Variants in KIAA0825 observed in about 807,000 individuals in gnomAD.
KIAA0825 encodes uncharacterized protein KIAA0825.
KIAA0825 carries 119 observed loss-of-function variants against 147.6 expected under a neutral mutation model. The observed-to-expected ratio is 0.81, with a 90% CI of 0.69 to 0.94. KIAA0825 has a LOEUF of 0.94. Among genes scored for constraint, KIAA0825 ranks in the 40% least tolerant of loss-of-function variants. The pLI is 0.00. For synonymous variants in KIAA0825, 470 were observed against 518.1 expected (o/e 0.91, Z 1.26); for missense variants, 1,381 against 1,472.7 (o/e 0.94, Z 1.02).
At chr5:94,449,120 A>G (rs1758083483) in intron 13 of KIAA0825, among the ~76,000 whole-genome samples, 3 of 152,142 alleles carry the variant, frequency 2.0e-5, no homozygotes, top group Admixed American at 1.3e-4. Context: ...GAAACTGCAT[A>G]AACAAAGGCC....
chr5:94,389,370 G>A (rs535973771), intron 18 of KIAA0825, among the ~76,000 whole-genome samples: 1 of 152,276 alleles, frequency 6.6e-6, no homozygotes, highest in Non-Finnish European at 1.5e-5. Context: ...ATGTCTTGTG[G>A]GCCAGCTCTG....
intron 1 of KIAA0825, among the ~76,000 whole-genome samples, chr5:94,590,130 G>T (rs955047394): frequency 6.6e-6 from 1 of 152,082 alleles, no homozygotes; most frequent in African/African-American, 2.4e-5. Flanking sequence ...GAGTAGCTGG[G>T]ACTACAGGCA....
chr5:94,185,899 C>T (rs916830291), intron 20 of KIAA0825, among the ~76,000 whole-genome samples: 14 of 152,258 alleles, frequency 9.2e-5, no homozygotes, highest in Non-Finnish European at 7.4e-5. Flanking sequence ...TTAATAATAG[C>T]TACCATAACA....
intron 20 of KIAA0825, among the ~76,000 whole-genome samples, chr5:94,368,278 T>A (rs1746149699): frequency 6.6e-6 from 1 of 152,216 alleles, no homozygotes; most frequent in African/African-American, 2.4e-5. Context: ...GCTCAAGCAA[T>A]CCTGCCACCT....
chr5:94,460,126 T>C (rs1338007563), intron 12 of KIAA0825, among the ~76,000 whole-genome samples: 1 of 152,116 alleles, frequency 6.6e-6, no homozygotes. Context: ...ATGCAACATA[T>C]GAAACCACTG....
intron 1 of KIAA0825, chr5:94,615,689 G>A (rs1790255096): frequency 1.3e-5 from 2 of 151,834 alleles, no homozygotes; most frequent in Admixed American, 1.3e-4. Context: ...TGAGTGTGGA[G>A]TGGACACTGT....
At chr5:94,595,087 A>T (rs1785038543) in intron 1 of KIAA0825, among the ~76,000 whole-genome samples, 1 of 152,094 alleles carries the variant, frequency 6.6e-6, no homozygotes, top group Non-Finnish European at 1.5e-5. Context: ...CTGTTGGCAG[A>T]TCTACCATTC....
At chr5:94,463,550 T>C (rs771247233) in intron 11 of KIAA0825, among the ~76,000 whole-genome samples, 1 of 151,506 alleles carries the variant, frequency 6.6e-6, no homozygotes, top group South Asian at 2.1e-4. Context: ...ATAAACAATT[T>C]CTAATCCAAT....
chr5:94,603,366 A>C (rs922202399), intron 1 of KIAA0825, among the ~76,000 whole-genome samples: 15 of 152,216 alleles, frequency 9.9e-5, no homozygotes, highest in African/African-American at 3.4e-4. Flanking sequence ...TTTTCAGACA[A>C]GCAAATGCTG....
chr5:94,365,653 C>G (rs1745738762), intron 20 of KIAA0825, among the ~76,000 whole-genome samples: 1 of 152,190 alleles, frequency 6.6e-6, no homozygotes, highest in African/African-American at 2.4e-5. Context: ...AACCTTCAAG[C>G]TGTCCTTGTT....
At chr5:94,199,345 C>A (rs1771443719) in intron 20 of KIAA0825, among the ~76,000 whole-genome samples, 1 of 152,176 alleles carries the variant, frequency 6.6e-6, no homozygotes, top group South Asian at 2.1e-4. Context: ...GTGCTCTAAC[C>A]CTGGGGGGCA....
intron 17 of KIAA0825, among the ~76,000 whole-genome samples, chr5:94,394,109 C>T (rs932647011): frequency 2.0e-5 from 3 of 152,036 alleles, no homozygotes; most frequent in Non-Finnish European, 4.4e-5. Flanking sequence ...GCCTTAGCCT[C>T]CCAAAATGTG....
chr5:94,277,478 C>T (rs1217683664), intron 20 of KIAA0825, among the ~76,000 whole-genome samples: 1 of 152,088 alleles, frequency 6.6e-6, no homozygotes, highest in East Asian at 1.9e-4. Flanking sequence ...CAAAAGAAGA[C>T]ATTTATGCGG....
chr5:94,517,749 A>C (rs1767497503), intron 5 of KIAA0825, among the ~76,000 whole-genome samples: 1 of 149,984 alleles, frequency 6.7e-6, no homozygotes, highest in Admixed American at 6.6e-5. Context: ...AAATTATTTA[A>C]ATAGTTTGGA....
intron 13 of KIAA0825, among the ~76,000 whole-genome samples, chr5:94,442,136 T>C (rs545149734): frequency 9.2e-5 from 14 of 152,298 alleles, no homozygotes; most frequent in South Asian, 4.1e-4. Context: ...ATGATGAGGA[T>C]GCTTTGCCAA....
At chr5:94,406,435 AT>A (rs1383686970) in intron 15 of KIAA0825, among the ~76,000 whole-genome samples, 1 of 152,230 alleles carries the variant, frequency 6.6e-6, no homozygotes, top group Non-Finnish European at 1.5e-5. Flanking sequence ...ATTTCTTAAA[AT>A]TTTAGAATTA....
At chr5:94,580,925 A>G (rs1191558294) in intron 2 of KIAA0825, among the ~76,000 whole-genome samples, 3 of 139,376 alleles carry the variant, frequency 2.2e-5, no homozygotes, top group African/African-American at 8.3e-5. Flanking sequence ...AAAAAAATGC[A>G]TAACACATAA....
At chr5:94,397,842 T>C (rs547110772) in intron 16 of KIAA0825, among the ~76,000 whole-genome samples, 68 of 152,298 alleles carry the variant, frequency 4.5e-4, no homozygotes, top group African/African-American at 1.6e-3. Flanking sequence ...GCTGTAGTCC[T>C]ATAACTCCAG....
At chr5:94,589,369 A>G (rs1783925800) in intron 1 of KIAA0825, among the ~76,000 whole-genome samples, 1 of 152,156 alleles carries the variant, frequency 6.6e-6, no homozygotes, top group African/African-American at 2.4e-5. Context: ...AAAGTCTACT[A>G]TTGTTATTCT....
Sources: gnomAD v4.1 joint callset for allele counts (sites outside exome capture counted in the v4.1 genomes callset) on GRCh38, gnomAD v4.1.1 for gene constraint, MANE v1.5 for transcripts, NCBI Gene and HGNC (gene_info 2026-07-23, HGNC 2026-07-21) for gene names.